Variants in UPB1 observed in about 807,000 individuals in gnomAD.
UPB1 encodes beta-ureidopropionase 1.
UPB1 carries 40 observed loss-of-function variants against 49.1 expected under a neutral mutation model. The ratio of observed to expected loss-of-function variants is 0.81; its 90% CI spans 0.63 to 1.06. UPB1 has a LOEUF of 1.06. Ranked by LOEUF, UPB1 falls within the 50% of genes least tolerant of loss-of-function variation. The probability of loss-of-function intolerance (pLI) is 0.00; values close to 1 mark genes in which losing one functional copy is unlikely to be tolerated. For synonymous variants in UPB1, 207 were observed against 198.2 expected, an observed-to-expected ratio of 1.04 and a Z score of -0.38; for missense variants, 499 against 505.9, an observed-to-expected ratio of 0.99 and a Z score of 0.13.
intron 4 of UPB1, among the ~76,000 whole-genome samples, chr22:24,513,110 G>C (rs2044235450): frequency 6.6e-6 from 1 of 152,182 alleles, no homozygotes; most frequent in Admixed American, 6.5e-5. Context: ...TTCCAGAGCA[G>C]CTGCACCATT....
At chr22:24,515,836 CGTG>C (rs1317482077) in intron 6 of UPB1, among the ~76,000 whole-genome samples, 5 of 152,096 alleles carry the variant, frequency 3.3e-5, no homozygotes, top group Non-Finnish European at 7.4e-5. Flanking sequence ...ATCAGCCAGG[CGTG>C]GTGGTGTGTG....
intron 6 of UPB1, 39 bp from the exon 7 acceptor site, chr22:24,520,348 A>G (rs1263881339): frequency 1.2e-6 from 2 of 1,610,968 alleles, no homozygotes; most frequent in Admixed American, 1.7e-5. Context: ...GTCTGCCTGG[A>G]AAGTCGGCAA....
chr22:24,520,522 G>A, intron 7 of UPB1, 54 bp downstream of exon 7: 2 of 1,591,284 alleles, frequency 1.3e-6, no homozygotes, highest in Non-Finnish European at 1.7e-6. Context: ...GGCTCTGGTG[G>A]GGACACCCCG....
At chr22:24,517,879 G>C (rs536558748) in intron 6 of UPB1, among the ~76,000 whole-genome samples, 1 of 152,182 alleles carries the variant, frequency 6.6e-6, no homozygotes, top group Admixed American at 6.5e-5. Context: ...AAAAGAGGAG[G>C]GAAGGCCAGG....
chr22:24,495,466 C>G lies in UPB1; in HGVS notation c.63C>G (p.Asp21Glu), dbSNP rs961655144. The G allele has an allele frequency of 6.2e-7, 1 of 1,614,124 alleles. No individual in the cohort carries two copies. Among genetic ancestry groups the G allele is most frequent in the South Asian group, 1.1e-5 (1 of 91,090 alleles). Reference protein sequence around the residue: ...ECLEKHLPLPDLQEVKRVLYG... With the variant: ...ECLEKHLPLPELQEVKRVLYG... Reference sequence around the variant, plus strand: ...TGGAGAAGCACCTGCCGCTCCCCGACTTGCAGGAAGTGAAGCGCGTTCTCT... The same window carrying G: ...TGGAGAAGCACCTGCCGCTCCCCGAGTTGCAGGAAGTGAAGCGCGTTCTCT... Residue 21 changes from aspartate to glutamate, a missense_variant, in exon 1 of 10, where the codon GAC (aspartate) becomes GAG (glutamate). Asp to Glu is a conservative substitution (Grantham distance 45). Coordinates refer to ENST00000326010, the MANE Select transcript of UPB1 (RefSeq NM_016327.3).
chr22:24,511,956 G>A (rs1229084739), intron 4 of UPB1, among the ~76,000 whole-genome samples: 6 of 152,010 alleles, frequency 3.9e-5, no homozygotes, highest in Non-Finnish European at 8.8e-5. Flanking sequence ...AAACCCATGA[G>A]GTGACGAATG....
At chr22:24,498,214 C>T (rs1238015619) in intron 1 of UPB1, among the ~76,000 whole-genome samples, 1 of 152,190 alleles carries the variant, frequency 6.6e-6, no homozygotes, top group African/African-American at 2.4e-5. Context: ...ACCTAATCAC[C>T]TCTGAAAGAG....
intron 3 of UPB1, among the ~76,000 whole-genome samples, chr22:24,508,983 T>C (rs943976204): frequency 1.3e-5 from 2 of 152,050 alleles, no homozygotes; most frequent in African/African-American, 4.8e-5. Context: ...GTTCTCCACA[T>C]TGAGAAAGAA....
chr22:24,525,285 C>T (rs991751145), intron 9 of UPB1, among the ~76,000 whole-genome samples: 5 of 152,128 alleles, frequency 3.3e-5, no homozygotes, highest in African/African-American at 1.2e-4. Context: ...TCTGTATCCA[C>T]GATGAGATGC....
At chr22:24,497,313 G>T (rs60379542) in intron 1 of UPB1, among the ~76,000 whole-genome samples, 3 of 152,158 alleles carry the variant, frequency 2.0e-5, no homozygotes, top group Non-Finnish European at 2.9e-5. Flanking sequence ...AAAGGGGAAT[G>T]TATGTTTCAT....
At chr22:24,519,281 C>T (rs2044347416) in intron 6 of UPB1, among the ~76,000 whole-genome samples, 3 of 152,268 alleles carry the variant, frequency 2.0e-5, no homozygotes, top group Admixed American at 6.5e-5. Flanking sequence ...ACCCCCTCCA[C>T]CTACTCCCTG....
intron 8 of UPB1, among the ~76,000 whole-genome samples, chr22:24,523,362 G>A (rs908661039): frequency 6.6e-6 from 1 of 152,240 alleles, no homozygotes; most frequent in Non-Finnish European, 1.5e-5. Context: ...GGGTAGAAGT[G>A]ACACCTCTCA....
chr22:24,517,427 T>C (rs2044316084), intron 6 of UPB1, among the ~76,000 whole-genome samples: 2 of 152,212 alleles, frequency 1.3e-5, no homozygotes, highest in Non-Finnish European at 2.9e-5. Flanking sequence ...CTGCTGGCTC[T>C]GGGTAAGACA....
At chr22:24,519,002 A>G (rs2044343298) in intron 6 of UPB1, among the ~76,000 whole-genome samples, 1 of 152,182 alleles carries the variant, frequency 6.6e-6, no homozygotes, top group African/African-American at 2.4e-5. Flanking sequence ...TTTTATTTCC[A>G]GCTGTGGGTT....
At chr22:24,504,781 G>T (rs1601486678) in intron 3 of UPB1, among the ~76,000 whole-genome samples, 1 of 124,104 alleles carries the variant, frequency 8.1e-6, no homozygotes. Flanking sequence ...AGGCTGTAGT[G>T]CAGTGGCACA....
In UPB1 at chr22:24,495,430, G is replaced by A. The variant is rs779336891; in HGVS notation, c.27G>A (p.Leu9=). 5 of 1,613,548 alleles carry A rather than the reference G, an allele frequency of 3.1e-6. No individual in the cohort carries two copies. The highest frequency in any genetic ancestry group is 4.2e-6 in the Non-Finnish European group (5 of 1,180,050). The change falls in exon 1 of 10, where the codon CTG becomes CTA. Residue 9 remains leucine, a synonymous_variant. Coordinates refer to ENST00000326010, the MANE Select transcript of UPB1 (RefSeq NM_016327.3). ...TGGCGGGCGCTGAGTGGAAGTCGCTGGAGGAATGCTTGGAGAAGCACCTGC... is the reference window on the plus strand; with the variant it reads ...TGGCGGGCGCTGAGTGGAAGTCGCTAGAGGAATGCTTGGAGAAGCACCTGC... MAGAEWKS[L]EECLEKHLPL...
intron 8 of UPB1, among the ~76,000 whole-genome samples, chr22:24,522,563 C>T (rs1386462685): frequency 2.0e-5 from 3 of 151,980 alleles, no homozygotes; most frequent in African/African-American, 7.3e-5. Flanking sequence ...AGGGACTGCC[C>T]CCCTCACCAA....
chr22:24,520,377 T>C lies in UPB1; in HGVS notation c.792-10T>C, dbSNP rs1346594771. On this transcript the variant is annotated splice_polypyrimidine_tract_variant and intron_variant, in intron 6 of 9. Transcript: ENST00000326010. ...TCGGCAACCTGGTTCCTCTTGGTCC[T>C]CTCTTACAGCGAGTCCCTGTGGCCC... The C allele has an allele frequency of 6.2e-7, 1 of 1,614,050 alleles. No individual in the cohort carries two copies. The highest frequency in any genetic ancestry group is 8.5e-7 in the Non-Finnish European group (1 of 1,179,978).
chr22:24,502,256 T>C (rs754750827), intron 3 of UPB1, 43 bp downstream of exon 3: 1 of 1,574,708 alleles, frequency 6.4e-7, no homozygotes, highest in African/African-American at 1.3e-5. Flanking sequence ...CTTCAAACAA[T>C]TGTGTATTCT....
Sources: gnomAD v4.1 joint callset for allele counts (sites outside exome capture counted in the v4.1 genomes callset) on GRCh38, gnomAD v4.1.1 for gene constraint, MANE v1.5 for transcripts, NCBI Gene and HGNC (gene_info 2026-07-23, HGNC 2026-07-21) for gene names.